Variants in CTNNA3 observed in about 807,000 individuals in gnomAD.
The protein encoded by CTNNA3 is catenin alpha 3.
Under a neutral mutation model 95.7 loss-of-function variants are expected in CTNNA3, and 76 were observed. That is an observed-to-expected ratio of 0.79 (90% confidence interval 0.66 to 0.96). The LOEUF (loss-of-function observed/expected upper bound fraction) is 0.96. CTNNA3 is among the 40% of genes least tolerant of loss of function. The pLI, the probability that CTNNA3 is intolerant of heterozygous loss-of-function variation, is 0.00. For synonymous variants in CTNNA3, 431 were observed against 374.4 expected (o/e 1.15, Z -1.74); for missense variants, 1,191 against 1,089.8 (o/e 1.09, Z -1.31).
At chr10:66,029,770 T>C (rs975925766) in intron 15 of CTNNA3, among the ~76,000 whole-genome samples, 2 of 152,168 alleles carry the variant, frequency 1.3e-5, no homozygotes, top group African/African-American at 2.4e-5. Context: ...GCCTGATACA[T>C]AGAAGGTGCC....
chr10:66,357,579 A>G (rs1164901294), intron 12 of CTNNA3, among the ~76,000 whole-genome samples: 1 of 152,122 alleles, frequency 6.6e-6, no homozygotes, highest in East Asian at 1.9e-4. Flanking sequence ...ATGAAATAAC[A>G]TTTTATATTA....
chr10:67,231,854 C>T (rs898073700), intron 5 of CTNNA3, among the ~76,000 whole-genome samples: 3 of 151,964 alleles, frequency 2.0e-5, no homozygotes, highest in Non-Finnish European at 1.5e-5. Flanking sequence ...TCAAGAACTA[C>T]GTGAAGAATG....
At chr10:66,861,601 G>C (rs1271284602) in intron 7 of CTNNA3, among the ~76,000 whole-genome samples, 1 of 152,158 alleles carries the variant, frequency 6.6e-6, no homozygotes, top group Admixed American at 6.6e-5. Flanking sequence ...GATACATATT[G>C]TAAAAATTCA....
At chr10:67,115,467 A>G (rs1347978980) in intron 7 of CTNNA3, among the ~76,000 whole-genome samples, 1 of 151,752 alleles carries the variant, frequency 6.6e-6, no homozygotes, top group Non-Finnish European at 1.5e-5. Flanking sequence ...GTGCACATGT[A>G]CCCTAAAACT....
At chr10:67,626,122 T>TA (rs1470318831) in intron 2 of CTNNA3, among the ~76,000 whole-genome samples, 1 of 151,300 alleles carries the variant, frequency 6.6e-6, no homozygotes, top group Non-Finnish European at 1.5e-5. Flanking sequence ...TCAAGGCTGC[T>TA]ATGAGCCATG....
chr10:67,703,559 T>C (rs566057582), intron 1 of CTNNA3, among the ~76,000 whole-genome samples: 11 of 152,320 alleles, frequency 7.2e-5, no homozygotes, highest in African/African-American at 2.4e-4. Flanking sequence ...GAAAAGGCTT[T>C]TGACAAAATT....
At chr10:67,396,031 A>G (rs1269203626) in intron 5 of CTNNA3, among the ~76,000 whole-genome samples, 1 of 152,218 alleles carries the variant, frequency 6.6e-6, no homozygotes, top group Non-Finnish European at 1.5e-5. Context: ...ATGTTTGTAA[A>G]ATAAAAGCAG....
At chr10:67,088,519 T>G (rs1003040536) in intron 7 of CTNNA3, among the ~76,000 whole-genome samples, 4 of 151,934 alleles carry the variant, frequency 2.6e-5, no homozygotes, top group African/African-American at 9.7e-5. Context: ...AGACTCTCCC[T>G]GTTACTTAGA....
intron 3 of CTNNA3, among the ~76,000 whole-genome samples, chr10:67,546,153 A>G (rs561020264): frequency 2.6e-4 from 40 of 152,016 alleles, no homozygotes; most frequent in Non-Finnish European, 5.6e-4. Context: ...TTTTTTTTCT[A>G]TGCAGGCTCT....
intron 10 of CTNNA3, among the ~76,000 whole-genome samples, chr10:66,616,882 TC>T (rs1326343179): frequency 1.3e-5 from 2 of 151,996 alleles, no homozygotes; most frequent in Non-Finnish European, 1.5e-5. Flanking sequence ...AATTATACTG[TC>T]TTTTTTTCAT....
At chr10:66,148,256 T>A (rs964519757) in intron 13 of CTNNA3, among the ~76,000 whole-genome samples, 3 of 152,118 alleles carry the variant, frequency 2.0e-5, no homozygotes, top group Non-Finnish European at 2.9e-5. Context: ...AGTATAGTAT[T>A]GCCTATATTT....
At chr10:67,048,683 A>G (rs887645753) in intron 7 of CTNNA3, among the ~76,000 whole-genome samples, 1 of 152,138 alleles carries the variant, frequency 6.6e-6, no homozygotes, top group Non-Finnish European at 1.5e-5. Flanking sequence ...TAGCTCTCAC[A>G]GTAAATTTCC....
At chr10:66,089,306 A>G (rs890240671) in intron 14 of CTNNA3, among the ~76,000 whole-genome samples, 7 of 151,486 alleles carry the variant, frequency 4.6e-5, no homozygotes, top group African/African-American at 1.7e-4. Context: ...GTAAATAGAG[A>G]GTCTTCCTGC....
chr10:66,695,663 T>C (rs1847730139), intron 9 of CTNNA3, among the ~76,000 whole-genome samples: 1 of 152,142 alleles, frequency 6.6e-6, no homozygotes, highest in South Asian at 2.1e-4. Flanking sequence ...GAAGTGATCC[T>C]GTTACAGGTT....
At chr10:67,726,104 T>A (rs1245675918) in intron 1 of CTNNA3, among the ~76,000 whole-genome samples, 3 of 117,352 alleles carry the variant, frequency 2.6e-5, no homozygotes, top group Non-Finnish European at 4.9e-5. Flanking sequence ...TATAATTATA[T>A]AAGATTATAT....
intron 3 of CTNNA3, among the ~76,000 whole-genome samples, chr10:67,566,922 C>CA (rs1456974596): frequency 2.0e-5 from 3 of 148,288 alleles, no homozygotes; most frequent in African/African-American, 7.5e-5. Flanking sequence ...ATCGCAAGGA[C>CA]AAAAAACCAA....
intron 6 of CTNNA3, among the ~76,000 whole-genome samples, chr10:67,187,739 C>A (rs537574162): frequency 6.6e-6 from 1 of 152,166 alleles, no homozygotes; most frequent in African/African-American, 2.4e-5. Flanking sequence ...GTGTGTGCCA[C>A]CCCACCCAGC....
At chr10:67,730,674 A>G (rs913274182) in intron 1 of CTNNA3, among the ~76,000 whole-genome samples, 49 of 152,222 alleles carry the variant, frequency 3.2e-4, no homozygotes, top group African/African-American at 1.1e-3. Context: ...AAAGAAAGGA[A>G]GAGAGAGAGG....
intron 13 of CTNNA3, among the ~76,000 whole-genome samples, chr10:66,108,423 C>A (rs2081990614): frequency 1.3e-5 from 2 of 152,100 alleles, no homozygotes; most frequent in Non-Finnish European, 2.9e-5. Context: ...TTTACCCCTT[C>A]TTGCAGACTG....
Sources: allele counts gnomAD v4.1 joint callset (sites outside exome capture counted in the v4.1 genomes callset), GRCh38; gene constraint gnomAD v4.1.1; transcripts MANE v1.5; gene names NCBI Gene and HGNC (gene_info 2026-07-23, HGNC 2026-07-21).